The following KHDRBS3 variants were observed in gnomAD, a reference collection of about 807,000 sequenced individuals.
KHDRBS3 encodes KH RNA binding domain containing, signal transduction associated 3.
A neutral mutation model predicts 45.6 loss-of-function variants in KHDRBS3; 23 were observed. The ratio of observed to expected loss-of-function variants is 0.50; its 90% CI spans 0.36 to 0.72. The LOEUF is 0.72. KHDRBS3 is among the 30% of genes least tolerant of loss of function. The pLI, the probability that KHDRBS3 is intolerant of heterozygous loss-of-function variation, is 0.00. For synonymous variants in KHDRBS3, 162 were observed against 156.5 expected (o/e 1.04, Z -0.26); for missense variants, 352 against 424.8 (o/e 0.83, Z 1.51).
At chr8:135,463,701 G>A (rs539135397) in intron 1 of KHDRBS3, among the ~76,000 whole-genome samples, 7 of 152,170 alleles carry the variant, frequency 4.6e-5, no homozygotes, top group Admixed American at 2.0e-4. Flanking sequence ...AGAGTTATCC[G>A]CAGTTTCAGA....
At position 135,645,055 on chromosome 8, in the gene KHDRBS3, G is replaced by A. The variant is rs376237232; in HGVS notation, c.891-4G>A. ...GTCCTTTGTTTTGTTTTGATCACTT[G>A]CAGTGGTGCTGATTACTATGATTAC... On this transcript the variant is annotated splice_region_variant and splice_polypyrimidine_tract_variant and intron_variant, in intron 7 of 8. Coordinates refer to ENST00000355849, the MANE Select transcript of KHDRBS3 (RefSeq NM_006558.3). The A allele has an allele frequency of 1.2e-6, 2 of 1,612,856 alleles. No individual in the cohort carries two copies. Among genetic ancestry groups the A allele is most frequent in the South Asian group, 2.2e-5 (2 of 91,068 alleles).
chr8:135,480,980 A>C (rs1278056143), intron 1 of KHDRBS3, among the ~76,000 whole-genome samples: 1 of 152,014 alleles, frequency 6.6e-6, no homozygotes, highest in East Asian at 1.9e-4. Flanking sequence ...CTTCCTAACC[A>C]CCAGCATTAT....
intron 7 of KHDRBS3, among the ~76,000 whole-genome samples, chr8:135,644,520 A>G (rs1391243203): frequency 1.3e-5 from 2 of 152,242 alleles, no homozygotes; most frequent in South Asian, 4.1e-4. Flanking sequence ...TTAATGTACT[A>G]TAAAGTACAG....
At chr8:135,571,383 ATC>A (rs1414820375) in intron 5 of KHDRBS3, among the ~76,000 whole-genome samples, 2 of 152,156 alleles carry the variant, frequency 1.3e-5, no homozygotes, top group African/African-American at 4.8e-5. Context: ...TTTGAAAATC[ATC>A]TGTTTCTGAA....
At chr8:135,654,610 A>G (rs1400800604) in intron 4 of KHDRBS3, among the ~76,000 whole-genome samples, 7 of 152,204 alleles carry the variant, frequency 4.6e-5, no homozygotes, top group Non-Finnish European at 1.0e-4. Flanking sequence ...CACCTCCTGG[A>G]CACTCGTCTG....
intron 1 of KHDRBS3, among the ~76,000 whole-genome samples, chr8:135,509,839 T>G (rs1010055333): frequency 6.6e-6 from 1 of 152,216 alleles, no homozygotes; most frequent in African/African-American, 2.4e-5. Context: ...GAGTAGTGTT[T>G]GGAATTTTTA....
At chr8:135,468,616 A>G (rs1235842345) in intron 1 of KHDRBS3, among the ~76,000 whole-genome samples, 1 of 152,232 alleles carries the variant, frequency 6.6e-6, no homozygotes, top group Non-Finnish European at 1.5e-5. Flanking sequence ...ATAAAACTTT[A>G]TTTATAGAAA....
At chr8:135,612,532 T>C (rs1375778224) in intron 7 of KHDRBS3, among the ~76,000 whole-genome samples, 1 of 151,950 alleles carries the variant, frequency 6.6e-6, no homozygotes, top group Non-Finnish European at 1.5e-5. Context: ...CAGTGCCATG[T>C]AGCACTTGAT....
chr8:135,562,206 A>G (rs1333253043), intron 5 of KHDRBS3, among the ~76,000 whole-genome samples: 2 of 152,156 alleles, frequency 1.3e-5, no homozygotes, highest in African/African-American at 4.8e-5. Context: ...TAAGTGCCCT[A>G]TCTAGGTTTA....
chr8:135,632,369 C>T (rs1054830589), intron 7 of KHDRBS3, among the ~76,000 whole-genome samples: 1 of 152,010 alleles, frequency 6.6e-6, no homozygotes, highest in Non-Finnish European at 1.5e-5. Context: ...TCTTCTTGCC[C>T]TCTGCATTCT....
At chr8:135,564,255 A>C (rs760363612) in intron 5 of KHDRBS3, among the ~76,000 whole-genome samples, 1 of 152,212 alleles carries the variant, frequency 6.6e-6, no homozygotes, top group African/African-American at 2.4e-5. Flanking sequence ...GTGATAAACA[A>C]TAAACATTAT....
chr8:135,654,037 T>A (rs1187589481), intron 4 of KHDRBS3, among the ~76,000 whole-genome samples: 1 of 152,260 alleles, frequency 6.6e-6, no homozygotes, highest in African/African-American at 2.4e-5. Flanking sequence ...TTTTCATGTA[T>A]CTTTCCAGAG....
intron 6 of KHDRBS3, among the ~76,000 whole-genome samples, chr8:135,587,285 A>G (rs1586762913): frequency 6.6e-6 from 1 of 152,208 alleles, no homozygotes; most frequent in Non-Finnish European, 1.5e-5. Context: ...AACATCTGTT[A>G]GCAAATACAT....
At chr8:135,569,813 G>C (rs1004413161) in intron 5 of KHDRBS3, among the ~76,000 whole-genome samples, 1 of 152,098 alleles carries the variant, frequency 6.6e-6, no homozygotes, top group Non-Finnish European at 1.5e-5. Flanking sequence ...GCCTTGCTCA[G>C]TGCGGAGTGC....
chr8:135,576,622 A>G (rs1032898117), intron 5 of KHDRBS3, among the ~76,000 whole-genome samples: 1 of 151,966 alleles, frequency 6.6e-6, no homozygotes, highest in Admixed American at 6.6e-5. Context: ...GGCACTACAC[A>G]TTGCTCCAGA....
At chr8:135,501,385 A>T (rs1823727942) in intron 1 of KHDRBS3, among the ~76,000 whole-genome samples, 1 of 152,236 alleles carries the variant, frequency 6.6e-6, no homozygotes, top group African/African-American at 2.4e-5. Flanking sequence ...ATCATGTTTT[A>T]GACAAAGTTT....
intron 1 of KHDRBS3, chr8:135,458,883 C>G (rs1005842220): frequency 2.8e-5 from 13 of 456,142 alleles, no homozygotes; most frequent in African/African-American, 2.6e-4. Context: ...CCTCCTGTGG[C>G]TTCCTGAATC....
chr8:135,639,659 G>A (rs1830975665), intron 7 of KHDRBS3, among the ~76,000 whole-genome samples: 1 of 152,240 alleles, frequency 6.6e-6, no homozygotes, highest in East Asian at 1.9e-4. Flanking sequence ...ATGAAAAGAG[G>A]TTTAATTGGC....
At chr8:135,590,177 A>C (rs1406394543) in intron 6 of KHDRBS3, among the ~76,000 whole-genome samples, 1 of 152,242 alleles carries the variant, frequency 6.6e-6, no homozygotes, top group Non-Finnish European at 1.5e-5. Flanking sequence ...TACTGTACTG[A>C]ATACTGTAGA....
Sources: gnomAD v4.1 joint callset for allele counts (sites outside exome capture counted in the v4.1 genomes callset) on GRCh38, gnomAD v4.1.1 for gene constraint, MANE v1.5 for transcripts, NCBI Gene and HGNC (gene_info 2026-07-23, HGNC 2026-07-21) for gene names.